The following TMCO4 variants were observed in gnomAD, a reference collection of about 807,000 sequenced individuals.
TMCO4 encodes transmembrane and coiled-coil domains 4.
TMCO4 carries 58 observed loss-of-function variants against 64.7 expected under a neutral mutation model. That is an observed-to-expected ratio of 0.90 (90% CI 0.73 to 1.12). TMCO4 has a LOEUF of 1.12. TMCO4 is among the 50% of genes most tolerant of loss of function. The probability of loss-of-function intolerance (pLI) is 0.00; values close to 1 mark genes in which losing one functional copy is unlikely to be tolerated. For missense variants in TMCO4, 780 were observed against 825.9 expected, an observed-to-expected ratio of 0.94 and a Z score of 0.68; for synonymous variants, 325 against 346.1, an observed-to-expected ratio of 0.94 and a Z score of 0.68.
At chr1:19,791,608 G>C (rs2044042278) in intron 2 of TMCO4, among the ~76,000 whole-genome samples, 2 of 152,222 alleles carry the variant, frequency 1.3e-5, no homozygotes, top group African/African-American at 4.8e-5. Context: ...AAATAAAACT[G>C]GATCTCAAGT....
At chr1:19,771,591 T>TTACTG in intron 4 of TMCO4, 109 bp from the exon 5 acceptor site, 1 of 1,072,060 alleles carries the variant, frequency 9.3e-7, no homozygotes, top group East Asian at 2.6e-5. Flanking sequence ...CGTGCCTGAC[T>TTACTG]TACTGACTGT....
intron 13 of TMCO4, among the ~76,000 whole-genome samples, chr1:19,736,581 C>T (rs988092020): frequency 5.3e-5 from 8 of 152,252 alleles, no homozygotes; most frequent in Admixed American, 6.5e-5. Flanking sequence ...GCCCCAGGCT[C>T]GGCAACTCAC....
intron 5 of TMCO4, among the ~76,000 whole-genome samples, chr1:19,770,881 G>C (rs2042950735): frequency 6.6e-6 from 1 of 152,234 alleles, no homozygotes; most frequent in African/African-American, 2.4e-5. Flanking sequence ...AGGGCATACA[G>C]TGAAGCTTCT....
At chr1:19,716,931 T>C (rs1188925506) in intron 13 of TMCO4, among the ~76,000 whole-genome samples, 1 of 152,084 alleles carries the variant, frequency 6.6e-6, no homozygotes, top group African/African-American at 2.4e-5. Flanking sequence ...CTCAAGCCTA[T>C]AATCCCAGCA....
chr1:19,738,991 G>A (rs1189830547), intron 12 of TMCO4, among the ~76,000 whole-genome samples: 1 of 152,264 alleles, frequency 6.6e-6, no homozygotes, highest in African/African-American at 2.4e-5. Flanking sequence ...TTTGATACAA[G>A]GTCAAGACCC....
intron 13 of TMCO4, among the ~76,000 whole-genome samples, chr1:19,709,968 A>G (rs1024080106): frequency 6.6e-6 from 1 of 151,482 alleles, no homozygotes; most frequent in African/African-American, 2.4e-5. Flanking sequence ...TTTAGTACAG[A>G]TGGGGTTTCT....
At chr1:19,795,370 G>T (rs1481674465) in intron 2 of TMCO4, among the ~76,000 whole-genome samples, 2 of 152,154 alleles carry the variant, frequency 1.3e-5, no homozygotes, top group African/African-American at 4.8e-5. Context: ...TACTCAGGAG[G>T]CTGAGGCAGG....
chr1:19,784,016 C>A (rs1002632621), intron 3 of TMCO4, among the ~76,000 whole-genome samples: 1 of 152,196 alleles, frequency 6.6e-6, no homozygotes, highest in East Asian at 1.9e-4. Flanking sequence ...CTGATGTCAG[C>A]AGGTCAGAAA....
intron 13 of TMCO4, among the ~76,000 whole-genome samples, chr1:19,730,703 T>G (rs1027312961): frequency 3.3e-5 from 5 of 151,928 alleles, no homozygotes; most frequent in Admixed American, 6.6e-5. Context: ...CAAAAGGGAG[T>G]GGAAGCTGTG....
intron 6 of TMCO4, among the ~76,000 whole-genome samples, chr1:19,763,379 A>G (rs1019932863): frequency 1.3e-5 from 2 of 152,210 alleles, no homozygotes; most frequent in African/African-American, 4.8e-5. Flanking sequence ...CGCCGGGCCA[A>G]GAATATCTTT....
chr1:19,745,113 T>C (rs1478068823), intron 10 of TMCO4, among the ~76,000 whole-genome samples: 5 of 150,024 alleles, frequency 3.3e-5, no homozygotes, highest in African/African-American at 4.9e-5. Flanking sequence ...GGTGCATGGA[T>C]AGATAGGTAG....
chr1:19,754,246 C>G (rs893412409), intron 7 of TMCO4, among the ~76,000 whole-genome samples: 2 of 152,096 alleles, frequency 1.3e-5, no homozygotes, highest in African/African-American at 4.8e-5. Flanking sequence ...ATAAGATTTC[C>G]AAATAATAAC....
intron 13 of TMCO4, among the ~76,000 whole-genome samples, chr1:19,736,655 C>T (rs182465354): frequency 3.7e-4 from 57 of 152,288 alleles, no homozygotes; most frequent in Admixed American, 3.6e-3. Flanking sequence ...CAGCATTCTG[C>T]CCTGGAGACC....
chr1:19,720,812 A>G (rs941960357), intron 13 of TMCO4, among the ~76,000 whole-genome samples: 1 of 152,112 alleles, frequency 6.6e-6, no homozygotes, highest in Admixed American at 6.6e-5. Flanking sequence ...AATCACAGGT[A>G]CTGGGTATGC....
At chr1:19,741,017 A>G in intron 10 of TMCO4, 76 bp from the exon 11 acceptor site, 12 of 1,447,226 alleles carry the variant, frequency 8.3e-6, no homozygotes, top group Non-Finnish European at 1.1e-5. Flanking sequence ...CCAGACAAGG[A>G]GCACCAGGAC....
At chr1:19,709,288 G>C (rs1036719325) in intron 13 of TMCO4, among the ~76,000 whole-genome samples, 7 of 57,038 alleles carry the variant, frequency 1.2e-4, no homozygotes, top group South Asian at 1.1e-3. Flanking sequence ...CATCCCGGCG[G>C]GGGGGGGGGA....
At chr1:19,769,178 C>T (rs1570965457) in intron 6 of TMCO4, among the ~76,000 whole-genome samples, 1 of 152,152 alleles carries the variant, frequency 6.6e-6, no homozygotes, top group Middle Eastern at 3.2e-3. Flanking sequence ...GAGACAGAGT[C>T]CCAGTCCCCT....
chr1:19,778,613 T>G (rs928132524), intron 4 of TMCO4, among the ~76,000 whole-genome samples: 5 of 152,202 alleles, frequency 3.3e-5, no homozygotes, highest in Admixed American at 6.5e-5. Context: ...TGGGTATCAT[T>G]AGCCCCATTC....
intron 12 of TMCO4, 145 bp from the exon 13 acceptor site, chr1:19,737,601 C>T (rs546564888): frequency 1.3e-5 from 8 of 626,396 alleles, no homozygotes; most frequent in South Asian, 1.0e-4. Context: ...GGTCCCTGAG[C>T]GCTGATGTCT....
Sources: gnomAD v4.1 joint callset for allele counts (sites outside exome capture counted in the v4.1 genomes callset) on GRCh38, gnomAD v4.1.1 for gene constraint, MANE v1.5 for transcripts, NCBI Gene and HGNC (gene_info 2026-07-23, HGNC 2026-07-21) for gene names.